The following CENPE variants were observed in gnomAD, a reference collection of about 807,000 sequenced individuals.
The protein encoded by CENPE is centromere protein E.
In CENPE, 145 loss-of-function variants were observed where a neutral mutation model predicts 336.1. That is an observed-to-expected ratio of 0.43 (90% confidence interval 0.38 to 0.50). CENPE has a LOEUF of 0.50. CENPE is among the 20% of genes least tolerant of loss of function. CENPE has a pLI of 0.00. For missense variants in CENPE, 2,719 were observed against 3,023.3 expected, an observed-to-expected ratio of 0.90 and a Z score of 2.36; for synonymous variants, 1,013 against 984.8, an observed-to-expected ratio of 1.03 and a Z score of -0.54.
At chr4:103,150,371 C>T (rs1037427941) in intron 26 of CENPE, among the ~76,000 whole-genome samples, 3 of 152,092 alleles carry the variant, frequency 2.0e-5, no homozygotes, top group Non-Finnish European at 2.9e-5. Context: ...TGCTTGAGCC[C>T]AGGAGTTTGA....
rs1004465193 is a variant in CENPE, at chr4:103,113,441, ATTAC to A, written c.7540+1010_7540+1013del. ...ATATACTTATATATTACTTATATAT[ATTAC>A]TTACATATTACTTATATATAATATA... On this transcript the variant is annotated intron_variant, in intron 46 of 48. Coordinates refer to ENST00000265148, the MANE Select transcript of CENPE (RefSeq NM_001813.3). 6.9e-4 allele frequency among the ~76,000 whole-genome samples: 96 copies of A among 139,152 alleles called. 2 individuals carry two copies. The highest frequency in any genetic ancestry group is 5.2e-3 in the Admixed American group (70 of 13,378). 91.3% of individuals were successfully genotyped at this position (139,152 alleles called of 152,430 possible).
At chr4:103,181,903 GTT>G (rs1293262777) in intron 11 of CENPE, 2 of 154,530 alleles carry the variant, frequency 1.3e-5, no homozygotes, top group African/African-American at 4.8e-5. Context: ...AGGGACTCTA[GTT>G]TCTCTTTGCA....
Position 103,147,449 on chromosome 4 carries a change from TAG to T in CENPE, c.4039_4040del (p.Leu1347AsnfsTer8). 1 of 1,613,932 alleles carries T rather than the reference TAG, an allele frequency of 6.2e-7. No homozygotes were observed. The highest frequency in any genetic ancestry group is 8.5e-7 in the Non-Finnish European group (1 of 1,179,842). On this transcript the variant is annotated frameshift_variant, in exon 29 of 49. Transcript: ENST00000265148. LOFTEE classifies it high-confidence loss of function. ...TTTTAAGGTTGTCTCTTTCCTTGGTTAGAGATTTTATCTCTTCCTGACTTTCT... is the reference window on the plus strand; with the variant it reads ...TTTTAAGGTTGTCTCTTTCCTTGGTTAGATTTTATCTCTTCCTGACTTTCT... The part of the protein sequence containing the change: ...FQESQEEIKS[L>X]TKERDNLKTI...
At chr4:103,144,970 A>C (rs1752886825) in intron 32 of CENPE, 80 bp downstream of exon 32, 8 of 1,306,296 alleles carry the variant, frequency 6.1e-6, no homozygotes, top group Admixed American at 2.6e-5. Context: ...AAAATTAATA[A>C]AACTTAACAT....
rs967525799 is a variant in CENPE at position 103,158,794 on chromosome 4, A to G, written c.2694T>C (p.Asn898=). The change falls in exon 23 of 49, where the codon AAT becomes AAC. Residue 898 remains asparagine (N), a synonymous_variant. Coordinates refer to ENST00000265148, the MANE Select transcript of CENPE (RefSeq NM_001813.3). The stretch of plus-strand genomic sequence containing the variant: ...CTACAGTTTGCAGCGTAGAATCTCT[A>G]TTTTCTAATTGTTCCTTCAGCTGTT... ...EMEQLKEQLE[N]RDSTLQTVER... is the part of the protein sequence containing the mutation. 9.3e-6 allele frequency: 15 copies of G among 1,612,954 alleles called. No individual in the cohort carries two copies. The highest frequency in any genetic ancestry group is 1.7e-4 in the Middle Eastern group (1 of 6,058).
chr4:103,111,503 A>G (rs1749424882), intron 46 of CENPE, among the ~76,000 whole-genome samples: 1 of 152,202 alleles, frequency 6.6e-6, no homozygotes, highest in African/African-American at 2.4e-5. Flanking sequence ...ATTCTACACT[A>G]TGTGTGTAAA....
At chr4:103,137,297 ACCC>A (rs1256155674) in intron 39 of CENPE, among the ~76,000 whole-genome samples, 2 of 152,102 alleles carry the variant, frequency 1.3e-5, no homozygotes, top group African/African-American at 4.8e-5. Flanking sequence ...ATAAATCTGG[ACCC>A]ATAGACTCAA....
chr4:103,118,052 CT>C (rs1750297802), intron 44 of CENPE, among the ~76,000 whole-genome samples: 1 of 152,196 alleles, frequency 6.6e-6, no homozygotes, highest in African/African-American at 2.4e-5. Context: ...ACATGCAGCC[CT>C]TTGTGTGCAC....
intron 22 of CENPE, 24 bp from the exon 23 acceptor site, chr4:103,158,910 T>C (rs761691303): frequency 6.3e-7 from 1 of 1,584,106 alleles, no homozygotes; most frequent in South Asian, 1.2e-5. Context: ...AAAGTAAATG[T>C]CACACAGTAA....
At chr4:103,196,285 A>G (rs778666374) in intron 2 of CENPE, 33 bp from the exon 3 acceptor site, 8 of 1,463,778 alleles carry the variant, frequency 5.5e-6, no homozygotes, top group African/African-American at 1.4e-5. Context: ...ACAACACAGA[A>G]GTTAAATCAA....
At chr4:103,173,354 A>C (rs900279561) in intron 16 of CENPE, among the ~76,000 whole-genome samples, 12 of 152,038 alleles carry the variant, frequency 7.9e-5, no homozygotes, top group African/African-American at 2.9e-4. Flanking sequence ...TACAAGAATC[A>C]ATTCAGAATG....
intron 11 of CENPE, 81 bp downstream of exon 11, chr4:103,182,681 T>C: frequency 8.4e-7 from 1 of 1,194,436 alleles, no homozygotes. Flanking sequence ...TAAAAAAAAC[T>C]ATGCTTAATT....
chr4:103,136,778 G>A (rs1282188563), intron 39 of CENPE, among the ~76,000 whole-genome samples: 2 of 152,160 alleles, frequency 1.3e-5, no homozygotes, highest in Non-Finnish European at 2.9e-5. Flanking sequence ...GATAAAACAA[G>A]TGATTAAGAA....
chr4:103,129,132 A>G (rs1751373115), intron 42 of CENPE, among the ~76,000 whole-genome samples: 1 of 152,176 alleles, frequency 6.6e-6, no homozygotes, highest in African/African-American at 2.4e-5. Flanking sequence ...AATGAAATGG[A>G]CCAATTCTTT....
At chr4:103,137,788 T>C (rs1038967411) in intron 39 of CENPE, among the ~76,000 whole-genome samples, 1 of 152,212 alleles carries the variant, frequency 6.6e-6, no homozygotes, top group African/African-American at 2.4e-5. Flanking sequence ...TCAGTCTTTA[T>C]AATGGTCTTC....
At chr4:103,178,877 C>G (rs1305027224) in intron 13 of CENPE, among the ~76,000 whole-genome samples, 1 of 152,198 alleles carries the variant, frequency 6.6e-6, no homozygotes, top group Non-Finnish European at 1.5e-5. Context: ...TGCCTTCTCT[C>G]AACATGCAAC....
Position 103,196,844 on chromosome 4 carries a change from T to A in CENPE, c.63A>T (p.Glu21Asp). The A allele has an allele frequency of 6.5e-7, 1 of 1,532,544 alleles. No homozygotes were observed. Among genetic ancestry groups the A allele is most frequent in the East Asian group, 2.2e-5 (1 of 44,476 alleles). 94.9% of individuals were successfully genotyped at this position (1,532,544 alleles called of 1,614,324 possible). The change falls in exon 2 of 49, where the codon GAA (glutamate) becomes GAT (aspartate). Residue 21 changes from glutamate (E) to aspartate (D), a missense_variant. Physicochemically the swap from Glu to Asp is conservative, Grantham distance 45. Coordinates refer to ENST00000265148, the MANE Select transcript of CENPE (RefSeq NM_001813.3). Reference protein sequence around the residue: ...VRVRPLNSREESLGETAQVYW... With the variant: ...VRVRPLNSREDSLGETAQVYW... ...AAACTTGGGCAGTTTCTCCAAGTGATTCTTCTCTAAAAGAATAAAAACACC... is the reference window on the plus strand; with the variant it reads ...AAACTTGGGCAGTTTCTCCAAGTGAATCTTCTCTAAAAGAATAAAAACACC...
intron 26 of CENPE, 43 bp from the exon 27 acceptor site, chr4:103,149,451 C>T (rs754396759): frequency 1.3e-6 from 2 of 1,484,102 alleles, no homozygotes; most frequent in Admixed American, 2.3e-5. Context: ...TACTTATATT[C>T]TCAAAATTCT....
chr4:103,144,031 G>A (rs911768173), intron 33 of CENPE, among the ~76,000 whole-genome samples: 1 of 151,984 alleles, frequency 6.6e-6, no homozygotes, highest in Non-Finnish European at 1.5e-5. Flanking sequence ...CCGCCTCCTG[G>A]GTTCACGCCA....
Sources: allele counts gnomAD v4.1 joint callset (sites outside exome capture counted in the v4.1 genomes callset), GRCh38; gene constraint gnomAD v4.1.1; transcripts MANE v1.5; gene names NCBI Gene and HGNC (gene_info 2026-07-23, HGNC 2026-07-21).